Variants in KCNN2 observed in about 807,000 individuals in gnomAD.
KCNN2 encodes potassium calcium-activated channel subfamily N member 2.
A neutral mutation model predicts 55.5 loss-of-function variants in KCNN2; 24 were observed. The ratio of observed to expected loss-of-function variants is 0.43; its 90% CI spans 0.31 to 0.61. KCNN2 has a LOEUF of 0.61. KCNN2 is among the 20% of genes least tolerant of loss of function. The pLI, the probability that KCNN2 is intolerant of heterozygous loss-of-function variation, is 0.08. For missense variants in KCNN2, 754 were observed against 853.6 expected, an observed-to-expected ratio of 0.88 and a Z score of 1.45; for synonymous variants, 431 against 336.1, an observed-to-expected ratio of 1.28 and a Z score of -3.09.
Position 114,231,701 on chromosome 5 carries a change from T to A in KCNN2, c.-185+10136T>A, listed in dbSNP as rs1014057811. On this transcript the variant is annotated intron_variant, in intron 2 of 10. Transcript: ENST00000512097. ...TTTGCCAGTGACAGTATGAAAACTA[T>A]GACAGCCAATTAAGGGAAAATTTAG... is the stretch of plus-strand genomic sequence containing the variant. 3.3e-5 allele frequency among the ~76,000 whole-genome samples: 5 copies of A among 151,236 alleles called. 1 individual carries two copies. Among genetic ancestry groups the A allele is most frequent in the African/African-American group, 1.2e-4 (5 of 40,534 alleles).
At chr5:114,173,437 T>TG (rs1491389713) in intron 1 of KCNN2, among the ~76,000 whole-genome samples, 53 of 100,176 alleles carry the variant, frequency 5.3e-4, no homozygotes, top group Admixed American at 1.4e-3. Context: ...TTTTGTTTTG[T>TG]TTGTGTGTGT....
chr5:114,213,259 G>GT (rs939617794), intron 1 of KCNN2, among the ~76,000 whole-genome samples: 2 of 151,966 alleles, frequency 1.3e-5, no homozygotes, highest in Admixed American at 1.3e-4. Flanking sequence ...TTGCCCATGA[G>GT]TTTTTGTTTA....
chr5:114,201,814 A>G (rs1265567735), intron 1 of KCNN2, among the ~76,000 whole-genome samples: 2 of 151,324 alleles, frequency 1.3e-5, no homozygotes, highest in South Asian at 4.2e-4. Context: ...CTAGATATGC[A>G]TAGGATAGCC....
chr5:114,189,688 A>T lies in KCNN2; in HGVS notation c.-270-31792A>T, dbSNP rs894791681. The stretch of plus-strand genomic sequence containing the variant: ...TGTTTAATTCTCACAGCATCCTATG[A>T]AATAGGTATGATTTTATCTCCAATT... On this transcript the variant is annotated intron_variant, in intron 1 of 10. Coordinates refer to the KCNN2 transcript ENST00000512097. 2.6e-5 allele frequency among the ~76,000 whole-genome samples: 4 copies of T among 152,222 alleles called. No homozygotes were observed. In the East Asian group the frequency reaches 5.8e-4, roughly 22 times the overall value.
At chr5:114,349,027 A>T (rs903912098) in intron 2 of KCNN2, among the ~76,000 whole-genome samples, 8 of 152,100 alleles carry the variant, frequency 5.3e-5, no homozygotes, top group African/African-American at 1.9e-4. Context: ...GATCATACCA[A>T]GAAGAAACAC....
At chr5:114,122,886 ATTC>A (rs1751853434) in intron 1 of KCNN2, among the ~76,000 whole-genome samples, 1 of 152,192 alleles carries the variant, frequency 6.6e-6, no homozygotes, top group Non-Finnish European at 1.5e-5. Context: ...AGGAAAGCAA[ATTC>A]TTGTAAGTAG....
chr5:114,381,410 A>G (rs951617752), intron 2 of KCNN2, among the ~76,000 whole-genome samples: 2 of 152,218 alleles, frequency 1.3e-5, no homozygotes, highest in Non-Finnish European at 2.9e-5. Flanking sequence ...AAGAAATACA[A>G]AAACAAATGT....
intron 2 of KCNN2, among the ~76,000 whole-genome samples, chr5:114,394,442 C>G (rs138457748): frequency 7.3e-4 from 111 of 152,220 alleles, no homozygotes; most frequent in Middle Eastern, 3.4e-3. Flanking sequence ...TCTTTTTACT[C>G]TCTTTATTGT....
chr5:114,491,828 G>T (rs1317335814), intron 6 of KCNN2, among the ~76,000 whole-genome samples: 1 of 152,092 alleles, frequency 6.6e-6, no homozygotes, highest in Non-Finnish European at 1.5e-5. Context: ...TCTGCGTAAT[G>T]ACCCACGGAT....
At chr5:114,426,889 A>G (rs1431181535) in intron 3 of KCNN2, among the ~76,000 whole-genome samples, 1 of 152,234 alleles carries the variant, frequency 6.6e-6, no homozygotes, top group African/African-American at 2.4e-5. Context: ...AGATTCTCTA[A>G]CGGAAGCATA....
intron 1 of KCNN2, among the ~76,000 whole-genome samples, chr5:114,131,024 A>T (rs981215294): frequency 6.6e-6 from 1 of 152,244 alleles, no homozygotes; most frequent in Non-Finnish European, 1.5e-5. Context: ...CCAAAAGTAA[A>T]TAGAAAACCT....
chr5:114,396,434 T>C (rs1758619425), intron 2 of KCNN2, among the ~76,000 whole-genome samples: 1 of 152,122 alleles, frequency 6.6e-6, no homozygotes, highest in African/African-American at 2.4e-5. Flanking sequence ...TTTTTAAACT[T>C]TTATTTTGGT....
At chr5:114,096,649 C>T (rs934592009) in intron 1 of KCNN2, among the ~76,000 whole-genome samples, 10 of 152,120 alleles carry the variant, frequency 6.6e-5, no homozygotes, top group African/African-American at 2.2e-4. Flanking sequence ...CTCTCTCCCT[C>T]GTGGTACTCC....
chr5:114,213,213 TG>T (rs1461871246), intron 1 of KCNN2, among the ~76,000 whole-genome samples: 1 of 152,066 alleles, frequency 6.6e-6, no homozygotes, highest in East Asian at 1.9e-4. Flanking sequence ...TTCATGATGT[TG>T]GGGCATACAC....
intron 2 of KCNN2, among the ~76,000 whole-genome samples, chr5:114,329,726 T>C (rs950313762): frequency 2.0e-5 from 3 of 152,152 alleles, no homozygotes; most frequent in Non-Finnish European, 1.5e-5. Flanking sequence ...TATATACATA[T>C]ATCCTTTTAG....
chr5:114,271,145 T>C (rs186366361), intron 2 of KCNN2, among the ~76,000 whole-genome samples: 7 of 152,268 alleles, frequency 4.6e-5, no homozygotes, highest in South Asian at 2.1e-4. Context: ...TGGTCCGTTT[T>C]ACAGAGTGCT....
intron 3 of KCNN2, among the ~76,000 whole-genome samples, chr5:114,416,429 C>T (rs1200810225): frequency 2.6e-5 from 4 of 152,100 alleles, no homozygotes; most frequent in Admixed American, 2.6e-4. Flanking sequence ...GTTTTTATGA[C>T]CGTCCACAGT....
intron 1 of KCNN2, among the ~76,000 whole-genome samples, chr5:114,150,967 G>A (rs1488247287): frequency 1.3e-5 from 2 of 152,284 alleles, no homozygotes; most frequent in Non-Finnish European, 2.9e-5. Flanking sequence ...GTTGCGGTGA[G>A]CTGAGATGGC....
At chr5:114,211,295 G>T (rs997270509) in intron 1 of KCNN2, among the ~76,000 whole-genome samples, 5 of 152,030 alleles carry the variant, frequency 3.3e-5, no homozygotes, top group Admixed American at 6.6e-5. Context: ...CAATAGCAAA[G>T]ACATGGAACC....
Sources: gnomAD v4.1 joint callset for allele counts (sites outside exome capture counted in the v4.1 genomes callset) on GRCh38, gnomAD v4.1.1 for gene constraint, MANE v1.5 for transcripts, NCBI Gene and HGNC (gene_info 2026-07-23, HGNC 2026-07-21) for gene names.